DLG2: variants seen among roughly 807,000 people sequenced by gnomAD.
The protein encoded by DLG2 is discs large MAGUK scaffold protein 2.
A neutral mutation model predicts 132.5 loss-of-function variants in DLG2; 45 were observed. The ratio of observed to expected loss-of-function variants is 0.34; its 90% CI spans 0.27 to 0.44. DLG2 has a LOEUF of 0.44. Ranked by LOEUF, DLG2 falls within the 20% of genes least tolerant of loss-of-function variation. DLG2 has a pLI of 1.00. For synonymous variants in DLG2, 424 were observed against 419.6 expected, an observed-to-expected ratio of 1.01 and a Z score of -0.13; for missense variants, 1,045 against 1,196.9, an observed-to-expected ratio of 0.87 and a Z score of 1.87.
At chr11:85,504,341 T>G (rs2093877745) in intron 3 of DLG2, among the ~76,000 whole-genome samples, 1 of 152,020 alleles carries the variant, frequency 6.6e-6, no homozygotes, top group Non-Finnish European at 1.5e-5. Context: ...TTTTTATGGT[T>G]TTAGGTCTAA....
At chr11:84,937,377 A>G (rs1001873261) in intron 6 of DLG2, among the ~76,000 whole-genome samples, 21 of 104,712 alleles carry the variant, frequency 2.0e-4, no homozygotes, top group Non-Finnish European at 3.7e-4. Context: ...GCTAGGTCAT[A>G]CCAGACCAAA....
intron 21 of DLG2, among the ~76,000 whole-genome samples, chr11:83,490,999 T>TCTA (rs1055593514): frequency 5.9e-5 from 9 of 151,998 alleles, no homozygotes; most frequent in African/African-American, 2.2e-4. Context: ...TTCTACTTTT[T>TCTA]CTACTTTTTA....
chr11:85,427,278 C>G (rs1013439442), intron 3 of DLG2, among the ~76,000 whole-genome samples: 2 of 152,120 alleles, frequency 1.3e-5, no homozygotes, highest in Non-Finnish European at 2.9e-5. Context: ...ACAGAGAAAG[C>G]CACAAAGATA....
intron 4 of DLG2, among the ~76,000 whole-genome samples, chr11:85,183,200 TGG>T (rs1422051991): frequency 6.6e-6 from 1 of 151,854 alleles, no homozygotes; most frequent in Non-Finnish European, 1.5e-5. Context: ...GAATCAGCTT[TGG>T]GCACCTAAAT....
intron 4 of DLG2, among the ~76,000 whole-genome samples, chr11:85,273,925 A>G (rs966983545): frequency 2.0e-5 from 3 of 152,236 alleles, no homozygotes; most frequent in African/African-American, 7.2e-5. Flanking sequence ...CTATGAAGCC[A>G]TAAAAAAGAA....
chr11:84,558,869 A>G (rs1394396196), intron 6 of DLG2, among the ~76,000 whole-genome samples: 2 of 152,182 alleles, frequency 1.3e-5, no homozygotes, highest in Non-Finnish European at 2.9e-5. Context: ...CAGCTTCAAG[A>G]GTACTCTTCC....
intron 7 of DLG2, among the ~76,000 whole-genome samples, chr11:84,300,318 A>C (rs2098137875): frequency 6.6e-6 from 1 of 152,210 alleles, no homozygotes; most frequent in South Asian, 2.1e-4. Flanking sequence ...CTATTTTTTC[A>C]TATGTCACTC....
chr11:84,266,316 A>G (rs1327446477), intron 7 of DLG2, among the ~76,000 whole-genome samples: 1 of 152,168 alleles, frequency 6.6e-6, no homozygotes, highest in African/African-American at 2.4e-5. Context: ...ATTTCATTCC[A>G]CTTTACCAGC....
intron 21 of DLG2, among the ~76,000 whole-genome samples, chr11:83,517,278 C>G (rs959772522): frequency 6.6e-6 from 1 of 152,170 alleles, no homozygotes; most frequent in African/African-American, 2.4e-5. Flanking sequence ...ATTTGATCTT[C>G]CATCACTGAT....
At chr11:84,087,735 G>A (rs1344283701) in intron 10 of DLG2, among the ~76,000 whole-genome samples, 1 of 152,196 alleles carries the variant, frequency 6.6e-6, no homozygotes, top group African/African-American at 2.4e-5. Context: ...AAAGGGTTAT[G>A]AGCCAAGTGA....
In DLG2 at chr11:85,603,521, T is replaced by TTC. The variant is rs371011323; in HGVS notation, c.-92-4735_-92-4734dup. 4.1e-3 allele frequency among the ~76,000 whole-genome samples: 627 copies of TTC among 152,198 alleles called. 3 individuals carry two copies. The highest frequency in any genetic ancestry group is 0.014 in the African/African-American group (596 of 41,540). ...TACAAGTGCTGAGCACCTTTTTCTT[T>TTC]TCTCTCTCTTTTTTTTTTTAATACA... On this transcript the variant is annotated intron_variant, in intron 2 of 27. Transcript: ENST00000376104.
chr11:85,412,965 G>C (rs537350524), intron 3 of DLG2, among the ~76,000 whole-genome samples: 63 of 151,742 alleles, frequency 4.2e-4, no homozygotes, highest in African/African-American at 1.3e-3. Context: ...GGTTCCACTT[G>C]TAGTTATTTA....
intron 19 of DLG2, among the ~76,000 whole-genome samples, chr11:83,570,220 G>A (rs186034540): frequency 1.3e-5 from 2 of 152,212 alleles, no homozygotes; most frequent in Admixed American, 1.3e-4. Context: ...CTACTGGGGG[G>A]CATCAAAACT....
At position 83,795,406 on chromosome 11, in the gene DLG2, T is replaced by TA. The variant is rs1199024106; in HGVS notation, c.1723-8615dup. 1.2e-3 allele frequency among the ~76,000 whole-genome samples: 148 copies of TA among 124,244 alleles called. 2 individuals are homozygous for TA. The highest frequency in any genetic ancestry group is 7.7e-3 in the Admixed American group (103 of 13,454). 81.5% of individuals were successfully genotyped at this position (124,244 alleles called of 152,430 possible). A position where few individuals can be genotyped will look rare whatever the true frequency, so the allele number is the denominator to read the frequency against. On this transcript the variant is annotated intron_variant, in intron 17 of 27. Transcript: ENST00000376104. Reference sequence around the variant, plus strand: ...CTGGGGGACAGAGTGAGACTCTTTATAAGAAAAAAAATATCTATATCTATA... The same window carrying TA: ...CTGGGGGACAGAGTGAGACTCTTTATAAAGAAAAAAAATATCTATATCTATA...
At chr11:85,498,878 G>T (rs963870636) in intron 3 of DLG2, among the ~76,000 whole-genome samples, 10 of 152,090 alleles carry the variant, frequency 6.6e-5, no homozygotes, top group South Asian at 2.1e-4. Flanking sequence ...AATAAAGATG[G>T]TCTTTGAAAC....
intron 18 of DLG2, among the ~76,000 whole-genome samples, chr11:83,638,064 T>C (rs548143158): frequency 6.6e-6 from 1 of 152,342 alleles, no homozygotes; most frequent in East Asian, 1.9e-4. Context: ...GGGGATTTTC[T>C]TCTGTAACAA....
At chr11:84,846,949 C>G (rs776684369) in intron 6 of DLG2, among the ~76,000 whole-genome samples, 5 of 152,042 alleles carry the variant, frequency 3.3e-5, no homozygotes, top group Non-Finnish European at 7.4e-5. Flanking sequence ...AGAGACTCAG[C>G]CATCTCAGCA....
chr11:83,951,602 A>T (rs2085447901), intron 14 of DLG2, among the ~76,000 whole-genome samples: 1 of 152,154 alleles, frequency 6.6e-6, no homozygotes, highest in Admixed American at 6.5e-5. Flanking sequence ...AGGCAGAAGG[A>T]GGGGCAAGCA....
intron 6 of DLG2, among the ~76,000 whole-genome samples, chr11:84,975,498 A>G: frequency 6.6e-6 from 1 of 152,204 alleles, no homozygotes; most frequent in African/African-American, 2.4e-5. Context: ...ATCATGAGAA[A>G]TACAACAAAG....
Sources: allele counts gnomAD v4.1 joint callset (sites outside exome capture counted in the v4.1 genomes callset), GRCh38; gene constraint gnomAD v4.1.1; transcripts MANE v1.5; gene names NCBI Gene and HGNC (gene_info 2026-07-23, HGNC 2026-07-21).